ITPKC: variants seen among roughly 807,000 people sequenced by gnomAD.
ITPKC encodes inositol-trisphosphate 3-kinase C, also known as IP3 3-kinase C.
In ITPKC, 33 loss-of-function variants were observed where a neutral mutation model predicts 67.1. That is an observed-to-expected ratio of 0.49 (90% CI 0.37 to 0.66). The LOEUF (loss-of-function observed/expected upper bound fraction) is 0.66. ITPKC is among the 30% of genes least tolerant of loss of function. The probability of loss-of-function intolerance (pLI) is 0.00; values close to 1 mark genes in which losing one functional copy is unlikely to be tolerated. For synonymous variants in ITPKC, 341 were observed against 359.8 expected (o/e 0.95, Z 0.59); for missense variants, 820 against 892.1 (o/e 0.92, Z 1.03).
intron 4 of ITPKC, among the ~76,000 whole-genome samples, chr19:40,733,789 C>T (rs1675686491): frequency 6.6e-6 from 1 of 152,170 alleles, no homozygotes; most frequent in Non-Finnish European, 1.5e-5. Context: ...CATGGTGGCT[C>T]ATGCCTGTAA....
chr19:40,721,669 C>T lies in ITPKC; in HGVS notation c.1155+3379C>T, dbSNP rs115017322. Among the ~76,000 whole-genome samples the T allele has an allele frequency of 2.8e-3, 426 of 151,938 alleles. 5 individuals are homozygous for T. The highest frequency in any genetic ancestry group is 8.7e-3 in the African/African-American group (361 of 41,458). ...CAAGCATGAGCCACTGTGCCCGGCC[C>T]GGATCTAACATAAAACAGAGAGAGA... On this transcript the variant is annotated intron_variant, in intron 1 of 6. Transcript: ENST00000263370.
intron 2 of ITPKC, among the ~76,000 whole-genome samples, chr19:40,728,306 A>G (rs988066153): frequency 6.6e-6 from 1 of 151,936 alleles, no homozygotes; most frequent in Admixed American, 6.6e-5. Context: ...GATCACCTGA[A>G]TCTAGGAGCT....
rs773179570 is a variant in ITPKC, at chr19:40,718,310, C to A, written c.1155+20C>A. Reference sequence around the variant, plus strand: ...TCTGGGGTGAGTGGGACCCATCCTGCCCTTGAGCCACATCACGCAAAACTC... The same window carrying A: ...TCTGGGGTGAGTGGGACCCATCCTGACCTTGAGCCACATCACGCAAAACTC... On this transcript the variant is annotated intron_variant, in intron 1 of 6. Transcript: ENST00000263370. 2.0e-6 allele frequency: 3 copies of A among 1,496,390 alleles called. No individual in the cohort carries two copies. The highest frequency in any genetic ancestry group is 2.7e-6 in the Non-Finnish European group (3 of 1,127,784). 92.7% of individuals were successfully genotyped at this position (1,496,390 alleles called of 1,614,324 possible).
At chr19:40,736,853 T>C in intron 4 of ITPKC, 133 bp from the exon 5 acceptor site, 2 of 534,456 alleles carry the variant, frequency 3.7e-6, no homozygotes, top group Non-Finnish European at 6.8e-6. Flanking sequence ...TAAATAGAGA[T>C]GGGGTCTTGC....
chr19:40,725,365 C>T lies in ITPKC; in HGVS notation c.1181C>T (p.Thr394Ile), dbSNP rs748714982. 1 of 1,613,822 alleles carries T rather than the reference C, an allele frequency of 6.2e-7. No homozygotes were observed. The highest frequency in any genetic ancestry group is 8.5e-7 in the Non-Finnish European group (1 of 1,179,638). Residue 394 changes from threonine (T) to isoleucine (I), a missense_variant, in exon 2 of 7, where the codon ACA (threonine) becomes ATA (isoleucine). Physicochemically the swap from Thr to Ile is moderately conservative, Grantham distance 89. Around this residue, in one of 2 missense-constraint regions of ITPKC, gnomAD observed 339 missense variants for 422.0 expected, o/e 0.80. Coordinates refer to ENST00000263370, the MANE Select transcript of ITPKC (RefSeq NM_025194.3). ...AGCAAACCCTGGAAGAAGCTGAAGA[C>T]AGTTCTGAAGTATTCACCCTTTGTG... is the stretch of plus-strand genomic sequence containing the variant. ...SGSKPWKKLK[T>I]VLKYSPFVVS...
rs2082260220 is a variant in ITPKC at position 40,729,363 on chromosome 19, C to G, written c.1417C>G (p.Leu473Val). The change falls in exon 3 of 7, where the codon CTC becomes GTC. Residue 473 changes from leucine (L) to valine (V), a missense_variant. Around this residue, in one of 2 missense-constraint regions of ITPKC, gnomAD observed 339 missense variants for 422.0 expected, o/e 0.80. Coordinates refer to ENST00000263370, the MANE Select transcript of ITPKC (RefSeq NM_025194.3). ...CCAGACCTTCAACCAGATGGAAGAC[C>G]TCCTGGCTGACTTTGAGGGCCCCTC... is the stretch of plus-strand genomic sequence containing the variant. ...DGQTFNQMED[L>V]LADFEGPSIM... 1.2e-6 allele frequency: 2 copies of G among 1,613,954 alleles called. No homozygotes were observed. Among genetic ancestry groups the G allele is most frequent in the Admixed American group, 3.3e-5 (2 of 59,978 alleles).
Position 40,717,319 on chromosome 19 carries a change from A to G in ITPKC, c.184A>G (p.Thr62Ala). The change falls in exon 1 of 7, where the codon ACA (threonine) becomes GCA (alanine). Residue 62 changes from threonine to alanine, a missense_variant. Physicochemically the swap from Thr to Ala is moderately conservative, Grantham distance 58 (BLOSUM62 0). Around this residue, in one of 2 missense-constraint regions of ITPKC, gnomAD observed 481 missense variants for 470.1 expected, o/e 1.02. Transcript: ENST00000263370. ...RPEGGGPWAR[T>A]EGSSLHSEPE... ...GGAGGGGGGCGGGCCCTGGGCCCGG[A>G]CAGAGGGGTCCAGCCTCCACAGCGA... is the stretch of plus-strand genomic sequence containing the variant. The G allele has an allele frequency of 6.3e-7, 1 of 1,584,854 alleles. No individual in the cohort carries two copies. Among genetic ancestry groups the G allele is most frequent in the Non-Finnish European group, 8.6e-7 (1 of 1,168,670 alleles).
At chr19:40,735,703 ATCT>A (rs1435035260) in intron 4 of ITPKC, among the ~76,000 whole-genome samples, 4 of 152,022 alleles carry the variant, frequency 2.6e-5, no homozygotes, top group African/African-American at 9.7e-5. Flanking sequence ...CTGCCCCCTC[ATCT>A]GACTGTGTCT....
At chr19:40,721,466 G>C (rs899123141) in intron 1 of ITPKC, among the ~76,000 whole-genome samples, 1 of 152,018 alleles carries the variant, frequency 6.6e-6, no homozygotes, top group Middle Eastern at 3.4e-3. Context: ...AGCCTCCCGG[G>C]TTCAAGTGAT....
At chr19:40,734,757 C>T (rs2082287096) in intron 4 of ITPKC, among the ~76,000 whole-genome samples, 1 of 150,420 alleles carries the variant, frequency 6.6e-6, no homozygotes, top group South Asian at 2.1e-4. Flanking sequence ...TACTGGCACG[C>T]ACTACCATGC....
chr19:40,739,302 A>G (rs1017986653), intron 6 of ITPKC, 55 bp from the exon 7 acceptor site: 9 of 1,348,950 alleles, frequency 6.7e-6, no homozygotes, highest in Non-Finnish European at 9.4e-6. Context: ...CCTGTCAGGA[A>G]GGGACCTTGG....
At position 40,739,291 on chromosome 19, in the gene ITPKC, G is replaced by A. The variant is rs781022655; in HGVS notation, c.1849-66G>A. Reference sequence around the variant, plus strand: ...ATGCTGTCAATCACCCTGCTCTGCTGCCTGTCAGGAAGGGACCTTGGCCAG... The same window carrying A: ...ATGCTGTCAATCACCCTGCTCTGCTACCTGTCAGGAAGGGACCTTGGCCAG... On this transcript the variant is annotated intron_variant, in intron 6 of 6. Coordinates refer to ENST00000263370, the MANE Select transcript of ITPKC (RefSeq NM_025194.3). 3.2e-4 allele frequency: 394 copies of A among 1,215,334 alleles called. 2 individuals are homozygous for A. The highest frequency in any genetic ancestry group is 1.9e-4 in the Middle Eastern group (1 of 5,232). 75.3% of individuals were successfully genotyped at this position (1,215,334 alleles called of 1,614,324 possible). A position where few individuals can be genotyped will look rare whatever the true frequency, so the allele number is the denominator to read the frequency against.
In ITPKC at chr19:40,731,675, G is replaced by A. The variant is rs111677021; in HGVS notation, c.1470-1485G>A. Among the ~76,000 whole-genome samples, 7 of 128,452 alleles carry A rather than the reference G, an allele frequency of 5.4e-5. 1 individual carries two copies. Among genetic ancestry groups the A allele is most frequent in the South Asian group, 2.7e-4 (1 of 3,716 alleles). 84.3% of individuals were successfully genotyped at this position (128,452 alleles called of 152,430 possible). A position where few individuals can be genotyped will look rare whatever the true frequency, so the allele number is the denominator to read the frequency against. ...TGGAATGCAGTGGCCTGATCCGCCC[G>A]CCTTGGCCTCCCAAAGTGCTGGGAT... On this transcript the variant is annotated intron_variant, in intron 3 of 6. Transcript: ENST00000263370.
Position 40,737,009 on chromosome 19 carries a change from C to T in ITPKC, c.1698C>T (p.Thr566=), listed in dbSNP as rs1192483676. ...AGAAGGCAGATGGGACCTGTAACAC[C>T]AACTTCAAGAAGACGCAGGCACTGG... ...GIKKADGTCN[T]NFKKTQALEQ... Residue 566 remains threonine, a synonymous_variant, in exon 5 of 7, where the codon ACC becomes ACT. Coordinates refer to ENST00000263370, the MANE Select transcript of ITPKC (RefSeq NM_025194.3). 5 of 1,593,110 alleles carry T rather than the reference C, an allele frequency of 3.1e-6. No individual in the cohort carries two copies. In the East Asian group the frequency reaches 1.1e-4, roughly 36 times the overall value.
In ITPKC at chr19:40,739,549, G is replaced by A; in HGVS notation, c.2041G>A (p.Ala681Thr). 6.2e-7 allele frequency: 1 copy of A among 1,613,000 alleles called. No individual in the cohort carries two copies. The highest frequency in any genetic ancestry group is 8.5e-7 in the Non-Finnish European group (1 of 1,179,750). ...DNMICLLQGL[A>T]QS ...CATGATCTGCCTCCTGCAGGGGCTG[G>A]CACAGAGCTGAGCTGCTCAGCCACC... The change falls in exon 7 of 7, where the codon GCA (alanine) becomes ACA (threonine). Residue 681 changes from alanine to threonine, a missense_variant. Coordinates refer to ENST00000263370, the MANE Select transcript of ITPKC (RefSeq NM_025194.3).
At chr19:40,735,845 A>G (rs2082291952) in intron 4 of ITPKC, among the ~76,000 whole-genome samples, 1 of 152,138 alleles carries the variant, frequency 6.6e-6, no homozygotes, top group Admixed American at 6.6e-5. Context: ...TCAAATAACT[A>G]TATGCCAGGC....
intron 2 of ITPKC, among the ~76,000 whole-genome samples, chr19:40,728,843 C>T (rs1027741240): frequency 1.3e-5 from 2 of 152,060 alleles, no homozygotes; most frequent in Admixed American, 1.3e-4. Flanking sequence ...GCCTGACCAA[C>T]AAGGTGAAAC....
Position 40,717,158 on chromosome 19 carries a change from G to C in ITPKC, c.23G>C (p.Gly8Ala). Reference protein sequence around the residue: MRRCPCRGSLNEAEAGAL... With the variant: MRRCPCRASLNEAEAGAL... Reference sequence around the variant, plus strand: ...GGCATGAGGCGCTGCCCGTGCCGTGGGAGCCTGAACGAGGCGGAGGCCGGG... The same window carrying C: ...GGCATGAGGCGCTGCCCGTGCCGTGCGAGCCTGAACGAGGCGGAGGCCGGG... Residue 8 changes from glycine to alanine, a missense_variant, in exon 1 of 7, where the codon GGG becomes GCG. This residue lies in a region of ITPKC where 481 missense variants were observed against 470.1 expected (regional missense o/e 1.02). Coordinates refer to ENST00000263370, the MANE Select transcript of ITPKC (RefSeq NM_025194.3). The C allele has an allele frequency of 8.1e-7, 1 of 1,227,406 alleles. No individual in the cohort carries two copies. Among genetic ancestry groups the C allele is most frequent in the Non-Finnish European group, 1.0e-6 (1 of 985,384 alleles). 76.0% of individuals were successfully genotyped at this position (1,227,406 alleles called of 1,614,324 possible). A position where few individuals can be genotyped will look rare whatever the true frequency, so the allele number is the denominator to read the frequency against.
intron 1 of ITPKC, 27 bp downstream of exon 1, chr19:40,718,317 G>A: frequency 2.0e-6 from 3 of 1,493,148 alleles, no homozygotes; most frequent in Non-Finnish European, 2.7e-6. Context: ...CTGCCCTTGA[G>A]CCACATCACG....
Sources: allele counts gnomAD v4.1 joint callset (sites outside exome capture counted in the v4.1 genomes callset), GRCh38; gene constraint gnomAD v4.1.1; regional missense constraint gnomAD v4.1.1; transcripts MANE v1.5; gene names NCBI Gene and HGNC (gene_info 2026-07-23, HGNC 2026-07-21).